ADAMTS17: variants seen among roughly 807,000 people sequenced by gnomAD.
ADAMTS17 encodes the protein A disintegrin and metalloproteinase with thrombospondin motifs 17.
Under a neutral mutation model 141.5 loss-of-function variants are expected in ADAMTS17, and 113 were observed. That is an observed-to-expected ratio of 0.80 (90% CI 0.69 to 0.93). The LOEUF (loss-of-function observed/expected upper bound fraction) is 0.93, where lower values mean the gene tolerates loss of function less well. Ranked by LOEUF, ADAMTS17 falls within the 40% of genes least tolerant of loss-of-function variation. ADAMTS17 has a pLI of 0.00. For missense variants in ADAMTS17, 1,659 were observed against 1,517.9 expected, an observed-to-expected ratio of 1.09 and a Z score of -1.54; for synonymous variants, 768 against 630.6, an observed-to-expected ratio of 1.22 and a Z score of -3.27.
At chr15:100,299,303 T>C (rs1389137219) in intron 3 of ADAMTS17, among the ~76,000 whole-genome samples, 2 of 151,610 alleles carry the variant, frequency 1.3e-5, no homozygotes, top group Admixed American at 1.3e-4. Flanking sequence ...TGTGTGTGTG[T>C]GTAACCGCCG....
In ADAMTS17 at chr15:99,973,009, C is replaced by G. The variant is rs1269953926; in HGVS notation, c.*1393G>C. 1 of 152,114 alleles carries G rather than the reference C, an allele frequency of 6.6e-6. No homozygotes were observed. The highest frequency in any genetic ancestry group is 2.4e-5 in the African/African-American group (1 of 41,402). The allele number at this position is 152,114 out of a possible 1,614,324, so 9.4% of individuals were successfully genotyped here. ...GGTAAAGTCCTAGAACATAAGCACCCATGAAATGCCCACCAAGTTGGTGAG... is the reference window on the plus strand; with the variant it reads ...GGTAAAGTCCTAGAACATAAGCACCGATGAAATGCCCACCAAGTTGGTGAG... On this transcript the variant is annotated 3_prime_UTR_variant, in exon 22 of 22. Transcript: ENST00000268070.
At chr15:100,337,152 G>A (rs566882278) in intron 2 of ADAMTS17, among the ~76,000 whole-genome samples, 3 of 152,342 alleles carry the variant, frequency 2.0e-5, no homozygotes, top group Admixed American at 2.0e-4. Flanking sequence ...GGGATTACAG[G>A]CGTAAGCCAC....
chr15:100,083,672 A>G (rs905168044), intron 15 of ADAMTS17, among the ~76,000 whole-genome samples: 1 of 151,352 alleles, frequency 6.6e-6, no homozygotes, highest in Non-Finnish European at 1.5e-5. Flanking sequence ...AGACTTCACA[A>G]ATGTAAACAA....
intron 8 of ADAMTS17, among the ~76,000 whole-genome samples, chr15:100,176,860 T>A (rs528256384): frequency 1.3e-5 from 2 of 152,248 alleles, no homozygotes; most frequent in Non-Finnish European, 2.9e-5. Flanking sequence ...AATGGAACCA[T>A]GCATTATGTA....
rs1385112023 is a variant in ADAMTS17 at position 100,341,029 on chromosome 15, C to T, written c.450+10G>A. 4 of 1,524,346 alleles carry T rather than the reference C, an allele frequency of 2.6e-6. No individual in the cohort carries two copies. In the African/African-American group the frequency reaches 5.5e-5, roughly 21 times the overall value. 94.4% of individuals were successfully genotyped at this position (1,524,346 alleles called of 1,614,324 possible). ...CGGACGGGCCGACCCGGAGGTGGCG[C>T]GGGCAGTACCAGGCCGCCGGCGGCG... is the stretch of plus-strand genomic sequence containing the variant. On this transcript the variant is annotated intron_variant, in intron 2 of 21. Transcript: ENST00000268070.
At chr15:100,081,019 G>A (rs957848401) in intron 15 of ADAMTS17, among the ~76,000 whole-genome samples, 7 of 152,184 alleles carry the variant, frequency 4.6e-5, no homozygotes, top group Non-Finnish European at 8.8e-5. Flanking sequence ...AGGATACAAA[G>A]TATTGATCCT....
At chr15:100,088,858 T>C (rs1420510257) in intron 15 of ADAMTS17, among the ~76,000 whole-genome samples, 2 of 142,290 alleles carry the variant, frequency 1.4e-5, no homozygotes, top group African/African-American at 2.9e-5. Flanking sequence ...ATTAAAAACT[T>C]ACATGTGAGA....
At chr15:100,036,125 G>C (rs1379240728) in intron 18 of ADAMTS17, among the ~76,000 whole-genome samples, 1 of 152,212 alleles carries the variant, frequency 6.6e-6, no homozygotes, top group Non-Finnish European at 1.5e-5. Flanking sequence ...AAGCAGTAGG[G>C]CTTCTTTGTC....
chr15:99,998,126 G>T (rs940964082), intron 18 of ADAMTS17, among the ~76,000 whole-genome samples: 1 of 152,174 alleles, frequency 6.6e-6, no homozygotes, highest in African/African-American at 2.4e-5. Context: ...ATAGGGGATT[G>T]ATACAGCCAC....
intron 3 of ADAMTS17, among the ~76,000 whole-genome samples, chr15:100,294,816 G>A (rs561939095): frequency 5.3e-5 from 8 of 152,320 alleles, no homozygotes; most frequent in South Asian, 2.1e-4. Context: ...AAATGTGGCC[G>A]TCCGTGAAAA....
intron 18 of ADAMTS17, among the ~76,000 whole-genome samples, chr15:100,010,403 C>T (rs964457151): frequency 6.6e-6 from 1 of 152,242 alleles, no homozygotes. Context: ...TCCCTTCCTT[C>T]TCTCCGTGGT....
At chr15:100,323,736 G>A (rs1353497099) in intron 3 of ADAMTS17, among the ~76,000 whole-genome samples, 1 of 152,188 alleles carries the variant, frequency 6.6e-6, no homozygotes, top group Admixed American at 6.5e-5. Flanking sequence ...AAATGAACTA[G>A]ATTTGCATTT....
intron 8 of ADAMTS17, among the ~76,000 whole-genome samples, chr15:100,180,520 ATAAATTT>A (rs2040487012): frequency 6.6e-6 from 1 of 152,148 alleles, no homozygotes; most frequent in South Asian, 2.1e-4. Flanking sequence ...ATGGTTCCAT[ATAAATTT>A]TAGGATTTTT....
intron 4 of ADAMTS17, among the ~76,000 whole-genome samples, chr15:100,262,807 T>C (rs1218685422): frequency 3.5e-5 from 5 of 144,710 alleles, no homozygotes; most frequent in Admixed American, 3.4e-4. Flanking sequence ...ACAAAAAACC[T>C]AAAGAATAAT....
intron 10 of ADAMTS17, among the ~76,000 whole-genome samples, chr15:100,152,313 A>T (rs2039205791): frequency 6.6e-6 from 1 of 152,122 alleles, no homozygotes; most frequent in East Asian, 1.9e-4. Flanking sequence ...ACCCTGAAGG[A>T]TTCCCCTGCA....
intron 8 of ADAMTS17, among the ~76,000 whole-genome samples, chr15:100,188,794 A>T (rs1017729772): frequency 6.6e-6 from 1 of 152,228 alleles, no homozygotes; most frequent in Non-Finnish European, 1.5e-5. Context: ...ACAATCCCTG[A>T]AAGCCTTCTA....
At chr15:100,102,118 TG>T (rs1161389009) in intron 14 of ADAMTS17, among the ~76,000 whole-genome samples, 1 of 152,254 alleles carries the variant, frequency 6.6e-6, no homozygotes, top group African/African-American at 2.4e-5. Context: ...CTTGATAGTT[TG>T]GCTGCACGGA....
At chr15:100,136,313 C>G (rs1182002340) in intron 10 of ADAMTS17, among the ~76,000 whole-genome samples, 2 of 152,140 alleles carry the variant, frequency 1.3e-5, no homozygotes, top group Non-Finnish European at 2.9e-5. Context: ...TTGTCGTCAG[C>G]TTAAGAAAAA....
At position 100,152,601 on chromosome 15, in the gene ADAMTS17, C is replaced by A; in HGVS notation, c.1473+11G>T. The A allele has an allele frequency of 1.2e-6, 2 of 1,613,266 alleles. No individual in the cohort carries two copies. Among genetic ancestry groups the A allele is most frequent in the Non-Finnish European group, 1.7e-6 (2 of 1,180,008 alleles). On this transcript the variant is annotated intron_variant, in intron 10 of 21. Coordinates refer to ENST00000268070, the MANE Select transcript of ADAMTS17 (RefSeq NM_139057.4). The stretch of plus-strand genomic sequence containing the variant: ...GCTCTGTCCCGAGCCAGCCCTCCCA[C>A]GGCTGCTTACCTCCATGTTTCTGCA...
Sources: allele counts gnomAD v4.1 joint callset (sites outside exome capture counted in the v4.1 genomes callset), GRCh38; gene constraint gnomAD v4.1.1; transcripts MANE v1.5; gene names NCBI Gene and HGNC (gene_info 2026-07-23, HGNC 2026-07-21).